The following HCN1 variants were observed in gnomAD, a reference collection of about 807,000 sequenced individuals.
HCN1 encodes potassium/sodium hyperpolarization-activated cyclic nucleotide-gated channel 1.
Under a neutral mutation model 78.9 loss-of-function variants are expected in HCN1, and 13 were observed. That is an observed-to-expected ratio of 0.16 (90% CI 0.11 to 0.26). HCN1 has a LOEUF of 0.26. Among genes scored for constraint, HCN1 ranks in the 10% least tolerant of loss-of-function variants. The probability of loss-of-function intolerance (pLI) is 1.00; values close to 1 mark genes in which losing one functional copy is unlikely to be tolerated. For missense variants in HCN1, 810 were observed against 1,154.3 expected (o/e 0.70, Z 4.32); for synonymous variants, 552 against 455.5 (o/e 1.21, Z -2.70).
At chr5:45,485,042 A>G (rs148108528) in intron 2 of HCN1, among the ~76,000 whole-genome samples, 1 of 152,310 alleles carries the variant, frequency 6.6e-6, no homozygotes, top group African/African-American at 2.4e-5. Flanking sequence ...CTCATTATCC[A>G]TACATATGCC....
intron 1 of HCN1, among the ~76,000 whole-genome samples, chr5:45,657,902 T>C (rs892896906): frequency 2.6e-5 from 4 of 152,156 alleles, no homozygotes; most frequent in Non-Finnish European, 5.9e-5. Context: ...TTAAAGTTCA[T>C]ATGGAACCAA....
intron 1 of HCN1, among the ~76,000 whole-genome samples, chr5:45,653,940 AAT>A (rs1417414184): frequency 6.6e-6 from 1 of 152,010 alleles, no homozygotes; most frequent in African/African-American, 2.4e-5. Context: ...TAAATAAATA[AAT>A]ATAATCATTT....
chr5:45,557,581 C>T (rs1743498021), intron 2 of HCN1, among the ~76,000 whole-genome samples: 1 of 152,078 alleles, frequency 6.6e-6, no homozygotes, highest in Non-Finnish European at 1.5e-5. Flanking sequence ...TTTTGCAACC[C>T]TGCATCAACC....
intron 3 of HCN1, among the ~76,000 whole-genome samples, chr5:45,437,243 G>T (rs181581125): frequency 8.1e-4 from 124 of 152,226 alleles, no homozygotes; most frequent in Non-Finnish European, 3.7e-4. Context: ...CCACATAAGA[G>T]AATCAGTTCC....
At chr5:45,312,820 G>A (rs1180883304) in intron 5 of HCN1, among the ~76,000 whole-genome samples, 1 of 152,224 alleles carries the variant, frequency 6.6e-6, no homozygotes, top group African/African-American at 2.4e-5. Flanking sequence ...GGCTGGGGGA[G>A]GGGCGCCCAC....
intron 1 of HCN1, among the ~76,000 whole-genome samples, chr5:45,677,542 T>A (rs1345898781): frequency 6.6e-6 from 1 of 151,914 alleles, no homozygotes; most frequent in Non-Finnish European, 1.5e-5. Context: ...GAAGTGTGTG[T>A]TATATTTAAA....
chr5:45,377,098 T>C (rs115638168), intron 4 of HCN1, among the ~76,000 whole-genome samples: 190 of 152,102 alleles, frequency 1.2e-3, no homozygotes, highest in African/African-American at 4.1e-3. Context: ...GTGGAAGTTA[T>C]AGAGATACAG....
intron 1 of HCN1, among the ~76,000 whole-genome samples, chr5:45,671,597 A>C (rs1412900951): frequency 1.3e-5 from 2 of 151,454 alleles, no homozygotes; most frequent in Admixed American, 1.3e-4. Context: ...AGGACTTATC[A>C]CTTTGATGAC....
At chr5:45,544,197 G>C (rs1028836569) in intron 2 of HCN1, among the ~76,000 whole-genome samples, 34 of 152,018 alleles carry the variant, frequency 2.2e-4, no homozygotes, top group African/African-American at 7.7e-4. Context: ...TACTTATTTT[G>C]CTAAATAAAA....
intron 5 of HCN1, among the ~76,000 whole-genome samples, chr5:45,321,979 C>T (rs764134739): frequency 4.0e-5 from 6 of 151,654 alleles, no homozygotes; most frequent in Non-Finnish European, 8.8e-5. Flanking sequence ...CTGTGCCTCA[C>T]CAGAAAATTA....
At chr5:45,315,540 C>T (rs926734756) in intron 5 of HCN1, among the ~76,000 whole-genome samples, 1 of 152,044 alleles carries the variant, frequency 6.6e-6, no homozygotes, top group African/African-American at 2.4e-5. Context: ...CAAAAGCTAG[C>T]AGAAGGCAAG....
intron 2 of HCN1, among the ~76,000 whole-genome samples, chr5:45,639,145 C>T (rs989925473): frequency 6.6e-6 from 1 of 151,316 alleles, no homozygotes; most frequent in Non-Finnish European, 1.5e-5. Flanking sequence ...AATGAACTAG[C>T]CAAGCAAATA....
intron 4 of HCN1, among the ~76,000 whole-genome samples, chr5:45,372,726 C>A (rs1027234186): frequency 7.2e-6 from 1 of 138,646 alleles, no homozygotes; most frequent in Non-Finnish European, 1.5e-5. Flanking sequence ...AAAATATATA[C>A]GTATTTATAT....
At position 45,261,718 on chromosome 5, in the gene HCN1, C is replaced by T; in HGVS notation, c.*203G>A. The T allele has an allele frequency of 7.8e-6, 4 of 514,088 alleles. No individual in the cohort carries two copies. The highest frequency in any genetic ancestry group is 1.3e-5 in the Non-Finnish European group (4 of 297,494). 31.8% of individuals were successfully genotyped at this position (514,088 alleles called of 1,614,324 possible). On this transcript the variant is annotated 3_prime_UTR_variant, in exon 8 of 8. Coordinates refer to ENST00000303230, the MANE Select transcript of HCN1 (RefSeq NM_021072.4). ...ATATAACACTGAATGCTAAACAGGT[C>T]TTTTGACCCTCTCTTGGGAATTTAG...
At position 45,490,639 on chromosome 5, in the gene HCN1, T is replaced by C. The variant is rs138467114; in HGVS notation, c.850-28632A>G. On this transcript the variant is annotated intron_variant, in intron 2 of 7. Coordinates refer to ENST00000303230, the MANE Select transcript of HCN1 (RefSeq NM_021072.4). ...TAAATATTAAAGTGTTTGACCAACTTTTCTTATGATTCTTACTCTTTTCTT... is the reference window on the plus strand; with the variant it reads ...TAAATATTAAAGTGTTTGACCAACTCTTCTTATGATTCTTACTCTTTTCTT... 2.7e-3 allele frequency among the ~76,000 whole-genome samples: 408 copies of C among 152,252 alleles called. 2 individuals carry two copies. The highest frequency in any genetic ancestry group is 9.1e-3 in the African/African-American group (377 of 41,572).
At chr5:45,374,430 A>C (rs909284539) in intron 4 of HCN1, among the ~76,000 whole-genome samples, 2 of 147,876 alleles carry the variant, frequency 1.4e-5, no homozygotes, top group Non-Finnish European at 3.0e-5. Flanking sequence ...AACACATACA[A>C]CCTCCCAAGA....
In HCN1 at chr5:45,353,344, TCA is replaced by T. The variant is rs113202045; in HGVS notation, c.1231-100_1231-99del. On this transcript the variant is annotated intron_variant, in intron 4 of 7. Coordinates refer to ENST00000303230, the MANE Select transcript of HCN1 (RefSeq NM_021072.4). The stretch of plus-strand genomic sequence containing the variant: ...GCTATATTCAATAATATTTGAATAC[TCA>T]GTTACAAAAAAAAAGAAATCCTTTA... The T allele has an allele frequency of 5.9e-3, 5,237 of 887,874 alleles. 211 individuals carry two copies. The African/African-American group carries it at 0.08, about 13-fold the overall frequency. The allele number at this position is 887,874 out of a possible 1,614,324, so 55.0% of individuals were successfully genotyped here. A position where few individuals can be genotyped will look rare whatever the true frequency, so the allele number is the denominator to read the frequency against.
At chr5:45,564,264 CTTT>C (rs546784601) in intron 2 of HCN1, among the ~76,000 whole-genome samples, 2 of 142,016 alleles carry the variant, frequency 1.4e-5, no homozygotes, top group Admixed American at 7.1e-5. Context: ...CTTTAGGAAG[CTTT>C]TTTTTTTTTT....
intron 3 of HCN1, among the ~76,000 whole-genome samples, chr5:45,422,870 T>C (rs1740256478): frequency 2.6e-5 from 4 of 152,120 alleles, no homozygotes; most frequent in African/African-American, 2.4e-5. Context: ...TGATGGTTAC[T>C]AGAGACTGAG....
Sources: allele counts gnomAD v4.1 joint callset (sites outside exome capture counted in the v4.1 genomes callset), GRCh38; gene constraint gnomAD v4.1.1; transcripts MANE v1.5; gene names NCBI Gene and HGNC (gene_info 2026-07-23, HGNC 2026-07-21).